NPHP1: variants seen among roughly 807,000 people sequenced by gnomAD.
The protein encoded by NPHP1 is nephrocystin-1.
Under a neutral mutation model 90.4 loss-of-function variants are expected in NPHP1, and 70 were observed. The observed-to-expected ratio is 0.77, with a 90% CI of 0.64 to 0.95. NPHP1 has a LOEUF of 0.95. Ranked by LOEUF, NPHP1 falls within the 40% of genes least tolerant of loss-of-function variation. The pLI, the probability that NPHP1 is intolerant of heterozygous loss-of-function variation, is 0.00. For synonymous variants in NPHP1, 256 were observed against 271.7 expected, an observed-to-expected ratio of 0.94 and a Z score of 0.57; for missense variants, 764 against 795.9, an observed-to-expected ratio of 0.96 and a Z score of 0.48.
At position 110,150,249 on chromosome 2, in the gene NPHP1, C is replaced by T. The variant is rs1681364664; in HGVS notation, c.1091G>A (p.Ser364Asn). Residue 364 changes from serine (S) to asparagine (N), a missense_variant, in exon 12 of 20, where the codon AGC becomes AAC. Coordinates refer to ENST00000445609, the MANE Select transcript of NPHP1 (RefSeq NM_001128178.3). ...TGTGGCTCTGACTGTATGAATGTTG[C>T]TCAGAACCTGAAATGAGATTTTCCC... ...LCLFDGNKVL[S>N]NIHTVRATWQ... 6.2e-7 allele frequency: 1 copy of T among 1,613,814 alleles called. No homozygotes were observed. The highest frequency in any genetic ancestry group is 8.5e-7 in the Non-Finnish European group (1 of 1,179,752).
Position 110,123,429 on chromosome 2 carries a change from C to A in NPHP1, c.*362G>T, listed in dbSNP as rs1436930503. The A allele has an allele frequency of 5.3e-6, 1 of 189,896 alleles. No homozygotes were observed. The highest frequency in any genetic ancestry group is 2.4e-5 in the African/African-American group (1 of 41,972). 11.8% of individuals were successfully genotyped at this position (189,896 alleles called of 1,614,324 possible). A position where few individuals can be genotyped will look rare whatever the true frequency, so the allele number is the denominator to read the frequency against. Reference sequence around the variant, plus strand: ...AGACCTTTATCAGTTAGATGATTTGCAAATATGTTTTCCCATTCTGTAGGT... The same window carrying A: ...AGACCTTTATCAGTTAGATGATTTGAAAATATGTTTTCCCATTCTGTAGGT... On this transcript the variant is annotated 3_prime_UTR_variant, in exon 20 of 20. Coordinates refer to ENST00000445609, the MANE Select transcript of NPHP1 (RefSeq NM_001128178.3).
At chr2:110,195,328 A>G (rs1685080479) in intron 2 of NPHP1, among the ~76,000 whole-genome samples, 1 of 152,148 alleles carries the variant, frequency 6.6e-6, no homozygotes, top group African/African-American at 2.4e-5. Context: ...TACAAAGTCA[A>G]TGTGCAAAAA....
At chr2:110,189,932 T>C (rs922693166) in intron 2 of NPHP1, among the ~76,000 whole-genome samples, 4 of 151,764 alleles carry the variant, frequency 2.6e-5, no homozygotes, top group African/African-American at 4.8e-5. Context: ...AGAGTGCCGA[T>C]TGGTGTGTTT....
chr2:110,153,159 A>G (rs1186940165), intron 11 of NPHP1, among the ~76,000 whole-genome samples: 1 of 152,176 alleles, frequency 6.6e-6, no homozygotes, highest in Admixed American at 6.5e-5. Context: ...AAATGACACA[A>G]TAGTTTTCAA....
chr2:110,163,427 C>A, intron 8 of NPHP1: 1 of 398,998 alleles, frequency 2.5e-6, no homozygotes, highest in South Asian at 2.8e-5. Context: ...CCTGCTCCAC[C>A]CTGCGCTTCC....
intron 16 of NPHP1, among the ~76,000 whole-genome samples, chr2:110,140,128 G>T (rs1680519015): frequency 6.6e-6 from 1 of 151,966 alleles, no homozygotes; most frequent in African/African-American, 2.4e-5. Flanking sequence ...CCAGCAGTGT[G>T]TCCCAACTCA....
chr2:110,154,450 A>G (rs1165566666), intron 11 of NPHP1, among the ~76,000 whole-genome samples: 1 of 152,196 alleles, frequency 6.6e-6, no homozygotes, highest in Non-Finnish European at 1.5e-5. Flanking sequence ...GAACTGGGTA[A>G]CAGGCAGAGG....
intron 2 of NPHP1, among the ~76,000 whole-genome samples, chr2:110,181,381 G>A (rs878911450): frequency 5.9e-5 from 9 of 152,162 alleles, no homozygotes; most frequent in South Asian, 2.1e-4. Context: ...TACAAAGTGC[G>A]TTTGGGCTGG....
At chr2:110,184,347 C>A in intron 2 of NPHP1, 1 of 607,832 alleles carries the variant, frequency 1.6e-6, no homozygotes, top group East Asian at 3.3e-5. Context: ...TTCTAAGGAC[C>A]AGCTGCAGAC....
intron 2 of NPHP1, among the ~76,000 whole-genome samples, chr2:110,180,448 C>CTTTTTTTTTTT (rs3086121): frequency 6.3e-4 from 51 of 80,914 alleles, no homozygotes; most frequent in East Asian, 1.3e-3. Flanking sequence ...CCGTTTGAGT[C>CTTTTTTTTTTT]TTTTTTTTTT....
chr2:110,124,367 T>C (rs1679204556), intron 19 of NPHP1: 2 of 459,754 alleles, frequency 4.4e-6, no homozygotes, highest in African/African-American at 3.9e-5. Context: ...TGCAGTCTAA[T>C]TTTGGTGACA....
intron 2 of NPHP1, among the ~76,000 whole-genome samples, chr2:110,185,982 T>C (rs1279998091): frequency 6.6e-6 from 1 of 152,172 alleles, no homozygotes; most frequent in Non-Finnish European, 1.5e-5. Context: ...GTTTTATTTA[T>C]TGAAGTGTTT....
At chr2:110,135,365 T>C (rs1011742650) in intron 16 of NPHP1, among the ~76,000 whole-genome samples, 44 of 149,866 alleles carry the variant, frequency 2.9e-4, no homozygotes, top group Admixed American at 2.5e-3. Flanking sequence ...TAGTCCCAGC[T>C]ACTTGGGAGG....
At chr2:110,144,426 G>C (rs1190867869) in intron 15 of NPHP1, 67 bp downstream of exon 15, 11 of 987,636 alleles carry the variant, frequency 1.1e-5, no homozygotes, top group Non-Finnish European at 1.8e-5. Context: ...TTAGAATGTA[G>C]CTACCTCTCA....
chr2:110,164,502 ACT>A (rs1574128075), intron 8 of NPHP1, 184 bp downstream of exon 8: 16 of 1,248,994 alleles, frequency 1.3e-5, no homozygotes, highest in Non-Finnish European at 1.4e-5. Flanking sequence ...AAAAAAAAAA[ACT>A]AATGAGAAAT....
At chr2:110,158,895 T>C (rs532181485) in intron 11 of NPHP1, among the ~76,000 whole-genome samples, 1 of 149,458 alleles carries the variant, frequency 6.7e-6, no homozygotes, top group South Asian at 2.2e-4. Context: ...AGTAAGATAA[T>C]GCTAGTTTTA....
At chr2:110,180,795 G>A (rs1683850474) in intron 2 of NPHP1, among the ~76,000 whole-genome samples, 1 of 152,092 alleles carries the variant, frequency 6.6e-6, no homozygotes, top group Non-Finnish European at 1.5e-5. Flanking sequence ...AGAAAACCAT[G>A]TTTCTCCCAC....
chr2:110,128,902 C>T (rs919670991), intron 18 of NPHP1: 5 of 456,148 alleles, frequency 1.1e-5, no homozygotes, highest in African/African-American at 9.8e-5. Flanking sequence ...GATTTTTGCT[C>T]TTAGGACACA....
chr2:110,160,662 C>T (rs1365796125), intron 10 of NPHP1, among the ~76,000 whole-genome samples: 1 of 152,098 alleles, frequency 6.6e-6, no homozygotes, highest in Non-Finnish European at 1.5e-5. Flanking sequence ...ATTTTTTATT[C>T]CAAGCAATTA....
Sources: allele counts gnomAD v4.1 joint callset (sites outside exome capture counted in the v4.1 genomes callset), GRCh38; gene constraint gnomAD v4.1.1; transcripts MANE v1.5; gene names NCBI Gene and HGNC (gene_info 2026-07-23, HGNC 2026-07-21).